SNX9: variants seen among roughly 807,000 people sequenced by gnomAD.
The protein encoded by SNX9 is sorting nexin 9.
Under a neutral mutation model 89.4 loss-of-function variants are expected in SNX9, and 44 were observed. The ratio of observed to expected loss-of-function variants is 0.49; its 90% CI spans 0.39 to 0.63. The LOEUF (loss-of-function observed/expected upper bound fraction) is 0.63, where lower values mean the gene tolerates loss of function less well. SNX9 is among the 30% of genes least tolerant of loss of function. The pLI, the probability that SNX9 is intolerant of heterozygous loss-of-function variation, is 0.00. For synonymous variants in SNX9, 236 were observed against 247.8 expected, an observed-to-expected ratio of 0.95 and a Z score of 0.45; for missense variants, 578 against 736.1, an observed-to-expected ratio of 0.79 and a Z score of 2.49.
rs920647370 is a variant in SNX9, at chr6:157,932,247, A to G, written c.1341A>G (p.Thr447=). 4.3e-6 allele frequency: 7 copies of G among 1,614,066 alleles called. No individual in the cohort carries two copies. The highest frequency in any genetic ancestry group is 5.9e-6 in the Non-Finnish European group (7 of 1,180,036). ...GAAAGGCCTTGCAGAGTTTGGCCAC[A>G]GTGTTCAGTTCCAGTGGCTATCAAG... ...KIGKALQSLA[T]VFSSSGYQGE... The change falls in exon 13 of 18, where the codon ACA becomes ACG. Residue 447 remains threonine, a synonymous_variant. Transcript: ENST00000392185.
Position 157,944,563 on chromosome 6 carries a change from G to A in SNX9, c.*1725G>A, listed in dbSNP as rs767437605. 6.6e-6 allele frequency: 1 copy of A among 152,352 alleles called. No homozygotes were observed. The highest frequency in any genetic ancestry group is 1.5e-5 in the Non-Finnish European group (1 of 68,012). The allele number at this position is 152,352 out of a possible 1,614,324, so 9.4% of individuals were successfully genotyped here. A position where few individuals can be genotyped will look rare whatever the true frequency, so the allele number is the denominator to read the frequency against. On this transcript the variant is annotated 3_prime_UTR_variant, in exon 18 of 18. Transcript: ENST00000392185. ...TTTTTGGACTTTGTGTGTGATTTTT[G>A]TTGTTGTTGTTAAGTACTTTTTATT...
At chr6:157,829,969 A>G (rs1781451245) in intron 1 of SNX9, among the ~76,000 whole-genome samples, 1 of 152,160 alleles carries the variant, frequency 6.6e-6, no homozygotes, top group Non-Finnish European at 1.5e-5. Context: ...TATCATAAGG[A>G]TGTTAACATT....
At chr6:157,900,923 C>T (rs1783083155) in intron 5 of SNX9, among the ~76,000 whole-genome samples, 1 of 152,204 alleles carries the variant, frequency 6.6e-6, no homozygotes, top group South Asian at 2.1e-4. Context: ...TGCCTTAACC[C>T]TAAAGAGGCC....
intron 4 of SNX9, among the ~76,000 whole-genome samples, chr6:157,890,676 C>T (rs1371026187): frequency 6.6e-6 from 1 of 152,224 alleles, no homozygotes; most frequent in Non-Finnish European, 1.5e-5. Flanking sequence ...ACCCAGGGCC[C>T]CACGTTCACG....
intron 4 of SNX9, among the ~76,000 whole-genome samples, chr6:157,878,430 C>CTTTTT (rs374518124): frequency 1.4e-5 from 2 of 146,880 alleles, no homozygotes; most frequent in Admixed American, 6.7e-5. Context: ...GGAAGCCCAC[C>CTTTTT]ATTTTTTTTT....
chr6:157,899,913 A>G (rs1484818292), intron 5 of SNX9, among the ~76,000 whole-genome samples: 5 of 126,976 alleles, frequency 3.9e-5, no homozygotes, highest in Admixed American at 2.2e-4. Flanking sequence ...GTGCGCGTGT[A>G]TATGTGCAAG....
intron 1 of SNX9, among the ~76,000 whole-genome samples, chr6:157,836,983 A>G (rs1451114751): frequency 6.6e-6 from 1 of 152,180 alleles, no homozygotes; most frequent in African/African-American, 2.4e-5. Context: ...GGATGGAAAA[A>G]TAAAAGAAAG....
chr6:157,875,355 A>G, intron 4 of SNX9, 179 bp downstream of exon 4: 4 of 867,332 alleles, frequency 4.6e-6, no homozygotes, highest in Non-Finnish European at 6.5e-6. Context: ...GTTAAGCCTG[A>G]TAATGACTGT....
rs1355237649 is a variant in SNX9, at chr6:157,865,480, G to A, written c.13-2067G>A. ...GGGGAGCCGTCCTGCTGGCCTGGGC[G>A]CCCTGCCATGATCTCCACTCGGGTC... On this transcript the variant is annotated intron_variant, in intron 1 of 17. Transcript: ENST00000392185. 3.3e-5 allele frequency among the ~76,000 whole-genome samples: 5 copies of A among 152,084 alleles called. No individual in the cohort carries two copies. The East Asian group carries it at 5.8e-4, about 18-fold the overall frequency.
chr6:157,901,058 T>A (rs1413358498), intron 5 of SNX9, among the ~76,000 whole-genome samples: 2 of 152,198 alleles, frequency 1.3e-5, no homozygotes, highest in Non-Finnish European at 2.9e-5. Flanking sequence ...TATGAATATC[T>A]GCTTTTCTGG....
intron 4 of SNX9, among the ~76,000 whole-genome samples, chr6:157,890,619 C>T (rs1782838208): frequency 6.6e-6 from 1 of 152,140 alleles, no homozygotes; most frequent in Non-Finnish European, 1.5e-5. Context: ...ACCAGACATG[C>T]TGTAGGAGTG....
chr6:157,888,737 G>A (rs1158007047), intron 4 of SNX9, among the ~76,000 whole-genome samples: 1 of 152,262 alleles, frequency 6.6e-6, no homozygotes, highest in East Asian at 1.9e-4. Context: ...CCCAAGTGAA[G>A]TGATTATGTC....
chr6:157,865,810 A>G (rs527740433), intron 1 of SNX9, among the ~76,000 whole-genome samples: 1 of 152,336 alleles, frequency 6.6e-6, no homozygotes, highest in South Asian at 2.1e-4. Context: ...AAGCAAATAC[A>G]TAGAAAGGGC....
chr6:157,874,795 T>C (rs1423571865), intron 3 of SNX9: 3 of 318,374 alleles, frequency 9.4e-6, no homozygotes, highest in Non-Finnish European at 1.7e-5. Context: ...CTGTAAATAC[T>C]TAGAGATTGA....
chr6:157,922,317 A>G (rs528572854), intron 10 of SNX9, among the ~76,000 whole-genome samples: 21 of 152,324 alleles, frequency 1.4e-4, no homozygotes, highest in African/African-American at 4.8e-4. Context: ...TTTATTCTCT[A>G]AAGATGTTTC....
chr6:157,858,768 G>C (rs564151345), intron 1 of SNX9, among the ~76,000 whole-genome samples: 11 of 152,286 alleles, frequency 7.2e-5, no homozygotes, highest in South Asian at 6.2e-4. Flanking sequence ...GAAGCAAAGG[G>C]ACATCTTACA....
chr6:157,824,826 G>C (rs1344439893), intron 1 of SNX9, among the ~76,000 whole-genome samples: 1 of 152,108 alleles, frequency 6.6e-6, no homozygotes, highest in Non-Finnish European at 1.5e-5. Flanking sequence ...ATTTTGTGTT[G>C]ACCTTTTTAA....
chr6:157,932,118 A>C, intron 12 of SNX9, 77 bp from the exon 13 acceptor site: 2 of 1,272,426 alleles, frequency 1.6e-6, no homozygotes, highest in South Asian at 1.2e-5. Flanking sequence ...AAGTTACTGT[A>C]ATCACTTTTA....
rs1781287825 is a variant in SNX9 at position 157,823,861 on chromosome 6, C to A, written c.12+415C>A. 6.6e-6 allele frequency among the ~76,000 whole-genome samples: 1 copy of A among 152,008 alleles called. No individual in the cohort carries two copies. Among genetic ancestry groups the A allele is most frequent in the African/African-American group, 2.4e-5 (1 of 41,436 alleles). ...GCCGCCCCCACGTCCCCTCCCGCTG[C>A]CGCCTGGGGGACCCTCGCCCCCGCG... On this transcript the variant is annotated intron_variant, in intron 1 of 17. Transcript: ENST00000392185. The surrounding 1 kb of genome is among the most constrained non-coding windows in gnomAD (Gnocchi z 4.6).
Sources: allele counts gnomAD v4.1 joint callset (sites outside exome capture counted in the v4.1 genomes callset), GRCh38; gene constraint gnomAD v4.1.1; non-coding constraint Gnocchi (gnomAD v3.1); transcripts MANE v1.5; gene names NCBI Gene and HGNC (gene_info 2026-07-23, HGNC 2026-07-21).